The following NRK variants were observed in gnomAD, a reference collection of about 807,000 sequenced individuals.
The protein encoded by NRK is nik-related protein kinase.
NRK carries 67 observed loss-of-function variants against 125.2 expected under a neutral mutation model. The observed-to-expected ratio is 0.54, with a 90% confidence interval of 0.44 to 0.66. The LOEUF (loss-of-function observed/expected upper bound fraction) is 0.66. Among genes scored for constraint, NRK ranks in the 30% least tolerant of loss-of-function variants. The pLI is 0.00. For missense variants in NRK, 1,224 were observed against 1,192.9 expected (o/e 1.03, Z -0.38); for synonymous variants, 458 against 429.0 (o/e 1.07, Z -0.84).
intron 2 of NRK, among the ~76,000 whole-genome samples, chrX:105,856,090 G>A (rs986072316): frequency 1.8e-5 from 2 of 111,273 alleles, no homozygotes; most frequent in Non-Finnish European, 1.9e-5. Context: ...TATATTTTAT[G>A]AAAATATATC....
rs371241450 is a variant in NRK, at chrX:105,915,757, A to G, written c.2377A>G (p.Asn793Asp). The part of the protein sequence containing the change: ...EVQERSPSVP[N>D]NQDHAHHVKF... ...TCAAGAGAGATCTCCTTCTGTGCCT[A>G]ACAACCAGGATCATGCACATCATGT... is the stretch of plus-strand genomic sequence containing the variant. Residue 793 changes from asparagine (N) to aspartate (D), a missense_variant, in exon 15 of 29, where the codon AAC (asparagine) becomes GAC (aspartate). Physicochemically the swap from Asn to Asp is conservative, Grantham distance 23 (BLOSUM62 1). Coordinates refer to ENST00000243300, the MANE Select transcript of NRK (RefSeq NM_198465.4). The G allele has an allele frequency of 8.6e-6, 10 of 1,159,473 alleles. No homozygotes were observed. The Admixed American group carries it at 2.0e-4, about 23-fold the overall frequency.
At chrX:105,842,406 G>T (rs1649521747) in intron 2 of NRK, among the ~76,000 whole-genome samples, 1 of 111,484 alleles carries the variant, frequency 9.0e-6, no homozygotes, top group African/African-American at 3.3e-5. Context: ...CTTCTTGTGG[G>T]CAGGGGCCCA....
rs111844831 is a variant in NRK at position 105,895,363 on chromosome X, CAGAA to C, written c.490-40_490-37del. On this transcript the variant is annotated intron_variant, in intron 6 of 28. Transcript: ENST00000243300. ...TTTCCAAAAATACTAAGAACTGTAC[CAGAA>C]AGAAAGAAAGAAAGAAAGAAAGAAA... 0.028 allele frequency: 21,025 copies of C among 752,110 alleles called. 2,720 individuals carry two copies. In the African/African-American group the frequency reaches 0.39, roughly 14 times the overall value. 62.0% of individuals were successfully genotyped at this position (752,110 alleles called of 1,213,427 possible). A position where few individuals can be genotyped will look rare whatever the true frequency, so the allele number is the denominator to read the frequency against.
chrX:105,824,255 C>T (rs73247905), intron 1 of NRK, among the ~76,000 whole-genome samples: 2,173 of 111,851 alleles, frequency 0.019, 20 homozygotes, highest in Non-Finnish European at 0.03. Context: ...TCTCATTCTG[C>T]ATGCACCCAG....
At chrX:105,840,536 A>G (rs2039317899) in intron 2 of NRK, among the ~76,000 whole-genome samples, 1 of 111,449 alleles carries the variant, frequency 9.0e-6, no homozygotes, top group African/African-American at 3.3e-5. Context: ...GGCTTTGGTC[A>G]ACCAGATAAA....
chrX:105,909,018 A>G lies in NRK; in HGVS notation c.1377A>G (p.Lys459=). 8.3e-7 allele frequency: 1 copy of G among 1,208,283 alleles called. No homozygotes were observed. Among genetic ancestry groups the G allele is most frequent in the Non-Finnish European group, 1.1e-6 (1 of 894,043 alleles). The change falls in exon 13 of 29, where the codon AAA becomes AAG. Residue 459 remains lysine (K), a synonymous_variant. Transcript: ENST00000243300. ...CTCAGGTGAAGGCTAAGGCCTCTAA[A>G]CCTCTACAAATGCAGATTAAGGCAC... ...LQAQVKAKAS[K]PLQMQIKAPP...
intron 16 of NRK, among the ~76,000 whole-genome samples, chrX:105,919,601 G>A (rs1053380961): frequency 5.4e-5 from 6 of 111,722 alleles, no homozygotes; most frequent in Non-Finnish European, 9.4e-5. Context: ...TTCTATCACT[G>A]CAGAAAGTTT....
At chrX:105,869,024 G>T (rs750133416) in intron 2 of NRK, among the ~76,000 whole-genome samples, 30 of 110,935 alleles carry the variant, frequency 2.7e-4, no homozygotes, top group African/African-American at 9.5e-4. Context: ...ACCATGATGA[G>T]AAAAGAGGTC....
At chrX:105,823,766 T>C (rs1183784846) in intron 1 of NRK, among the ~76,000 whole-genome samples, 2 of 111,634 alleles carry the variant, frequency 1.8e-5, no homozygotes, top group Non-Finnish European at 3.8e-5. Context: ...CAAATCCGTG[T>C]TTCAAGTTCC....
rs372460980 is a variant in NRK at position 105,953,079 on chromosome X, T to C, written c.4559T>C (p.Ile1520Thr). ...QRTTGWGQKA[I>T]EVRSLQSRVL... ...ACCACAGGATGGGGCCAAAAGGCCA[T>C]TGAAGTGCGCTCTTTGCAATCCAGG... is the stretch of plus-strand genomic sequence containing the variant. Residue 1520 changes from isoleucine to threonine, a missense_variant, in exon 28 of 29, where the codon ATT (isoleucine) becomes ACT (threonine). Transcript: ENST00000243300. 3.2e-5 allele frequency: 38 copies of C among 1,193,256 alleles called. No homozygotes were observed. Among genetic ancestry groups the C allele is most frequent in the Non-Finnish European group, 4.1e-5 (36 of 883,409 alleles).
intron 2 of NRK, among the ~76,000 whole-genome samples, chrX:105,860,051 T>C (rs1208700465): frequency 1.8e-5 from 2 of 111,687 alleles, no homozygotes; most frequent in East Asian, 5.6e-4. Context: ...TTGCTTGCTA[T>C]GTGTCGGGCA....
chrX:105,926,202 G>A (rs209080), intron 19 of NRK, among the ~76,000 whole-genome samples: 22,528 of 110,532 alleles, frequency 0.2, 1,682 homozygotes, highest in Middle Eastern at 0.31. Context: ...GATTAATTAT[G>A]TTGAAATTTT....
chrX:105,874,455 G>T (rs754897782), intron 2 of NRK, among the ~76,000 whole-genome samples: 11 of 111,886 alleles, frequency 9.8e-5, no homozygotes, highest in Non-Finnish European at 1.3e-4. Flanking sequence ...ACCTGTATTT[G>T]ATTCTGGGTC....
rs776541027 is a variant in NRK, at chrX:105,909,241, C to G, written c.1600C>G (p.Gln534Glu). 11 of 1,207,721 alleles carry G rather than the reference C, an allele frequency of 9.1e-6. No individual in the cohort carries two copies. Among genetic ancestry groups the G allele is most frequent in the Non-Finnish European group, 1.0e-5 (9 of 894,143 alleles). The change falls in exon 13 of 29, where the codon CAG becomes GAG. Residue 534 changes from glutamine to glutamate, a missense_variant. Coordinates refer to ENST00000243300, the MANE Select transcript of NRK (RefSeq NM_198465.4). ...GGTACCCGAACAACAAAGGCAGGGCCAGGCCCCTGAACAACAGCAGAGGCA... is the reference window on the plus strand; with the variant it reads ...GGTACCCGAACAACAAAGGCAGGGCGAGGCCCCTGAACAACAGCAGAGGCA... ...DQVPEQQRQG[Q>E]APEQQQRHNQ...
At chrX:105,849,728 A>C (rs2039446695) in intron 2 of NRK, among the ~76,000 whole-genome samples, 1 of 112,263 alleles carries the variant, frequency 8.9e-6, no homozygotes, top group African/African-American at 3.2e-5. Flanking sequence ...TTAAAGCTCC[A>C]AAATGATCTC....
chrX:105,912,749 A>G lies in NRK; in HGVS notation c.2343A>G (p.Lys781=). 1 of 1,003,622 alleles carries G rather than the reference A, an allele frequency of 1.0e-6. No homozygotes were observed. The highest frequency in any genetic ancestry group is 1.4e-6 in the Non-Finnish European group (1 of 736,139). 82.7% of individuals were successfully genotyped at this position (1,003,622 alleles called of 1,213,427 possible). A position where few individuals can be genotyped will look rare whatever the true frequency, so the allele number is the denominator to read the frequency against. The change falls in exon 14 of 29, where the codon AAA becomes AAG. Residue 781 remains lysine (K), a synonymous_variant. Transcript: ENST00000243300. ...AGCCATACATTTCAAATCCTAAAAA[A>G]ATTGAGGTAAATTTTTCAATATGAG... ...PLKPYISNPK[K]IEVQERSPSV...
chrX:105,937,616 A>T, intron 22 of NRK, 34 bp downstream of exon 22: 2 of 1,072,184 alleles, frequency 1.9e-6, no homozygotes, highest in Non-Finnish European at 2.5e-6. Flanking sequence ...CTGAGTAATT[A>T]TGCAGATTAA....
chrX:105,908,677 T>C, intron 12 of NRK, 50 bp from the exon 13 acceptor site: 4 of 1,141,876 alleles, frequency 3.5e-6, no homozygotes, highest in Middle Eastern at 5.0e-4. Flanking sequence ...AATGGCTCCA[T>C]TCCACTAAAA....
intron 16 of NRK, among the ~76,000 whole-genome samples, chrX:105,920,209 T>C (rs1274431158): frequency 1.9e-5 from 2 of 104,428 alleles, no homozygotes; most frequent in Non-Finnish European, 3.9e-5. Flanking sequence ...GTTGTAGACA[T>C]GCGGCGTTAT....
Sources: gnomAD v4.1 joint callset for allele counts (sites outside exome capture counted in the v4.1 genomes callset) on GRCh38, gnomAD v4.1.1 for gene constraint, MANE v1.5 for transcripts, NCBI Gene and HGNC (gene_info 2026-07-23, HGNC 2026-07-21) for gene names.